Variants in KCNN2 observed in about 807,000 individuals in gnomAD.
KCNN2 encodes potassium calcium-activated channel subfamily N member 2, also known as small conductance calcium-activated potassium channel protein 2.
In KCNN2, 24 loss-of-function variants were observed where a neutral mutation model predicts 55.5. The observed-to-expected ratio is 0.43, with a 90% confidence interval of 0.31 to 0.61. KCNN2 has a LOEUF of 0.61. Ranked by LOEUF, KCNN2 falls within the 20% of genes least tolerant of loss-of-function variation. KCNN2 has a pLI of 0.08. For missense variants in KCNN2, 754 were observed against 853.6 expected (o/e 0.88, Z 1.45); for synonymous variants, 431 against 336.1 (o/e 1.28, Z -3.09).
intron 1 of KCNN2, among the ~76,000 whole-genome samples, chr5:114,146,522 C>T (rs1580556266): frequency 2.0e-5 from 3 of 152,242 alleles, no homozygotes; most frequent in South Asian, 4.1e-4. Context: ...GTGGCTTCTC[C>T]GGTTTGACAG....
intron 1 of KCNN2, among the ~76,000 whole-genome samples, chr5:114,076,065 C>T (rs536854886): frequency 3.9e-5 from 6 of 152,390 alleles, no homozygotes; most frequent in Admixed American, 3.3e-4. Context: ...GCAGCAATAA[C>T]TAATATGCCC....
chr5:114,117,849 T>A (rs1187272885), intron 1 of KCNN2, among the ~76,000 whole-genome samples: 1 of 152,204 alleles, frequency 6.6e-6, no homozygotes, highest in African/African-American at 2.4e-5. Flanking sequence ...AGTCCAGTGC[T>A]CTACCTCTGA....
intron 2 of KCNN2, among the ~76,000 whole-genome samples, chr5:114,389,055 A>AT (rs1294421101): frequency 2.0e-5 from 3 of 151,700 alleles, no homozygotes; most frequent in Non-Finnish European, 4.4e-5. Flanking sequence ...AGACTGTTGG[A>AT]TTTTTTGAGA....
intron 1 of KCNN2, among the ~76,000 whole-genome samples, chr5:114,169,813 G>C (rs189654723): frequency 3.3e-5 from 5 of 152,118 alleles, no homozygotes; most frequent in Non-Finnish European, 7.4e-5. Flanking sequence ...GGTTACTGAT[G>C]TATTTAGAGA....
At chr5:114,358,607 T>C (rs967950684), upstream of KCNN2, among the ~76,000 whole-genome samples, 1 of 152,108 alleles carries the variant, frequency 6.6e-6, no homozygotes, top group Non-Finnish European at 1.5e-5. Context: ...AAATTTAATT[T>C]TCTGAAAGCT....
intron 1 of KCNN2, among the ~76,000 whole-genome samples, chr5:114,174,071 C>CT (rs1405320741): frequency 6.6e-6 from 1 of 151,964 alleles, no homozygotes; most frequent in Non-Finnish European, 1.5e-5. Context: ...CCCAAAGTAC[C>CT]TTTTTAGTTA....
chr5:114,473,010 GTAGT>G lies in KCNN2; in HGVS notation c.1780-39_1780-36del, dbSNP rs773690065. ...TTTTCTAATGTGTCTGAGACAGAAA[GTAGT>G]TAGTAATGCTTTGGGTTTCTCTTCT... On this transcript the variant is annotated intron_variant, in intron 4 of 7. Coordinates refer to ENST00000673685, the MANE Select transcript of KCNN2 (RefSeq NM_021614.4). 36 of 1,147,320 alleles carry G rather than the reference GTAGT, an allele frequency of 3.1e-5. No individual in the cohort carries two copies. In the East Asian group the frequency reaches 5.8e-4, roughly 18 times the overall value. 71.1% of individuals were successfully genotyped at this position (1,147,320 alleles called of 1,614,324 possible). A position where few individuals can be genotyped will look rare whatever the true frequency, so the allele number is the denominator to read the frequency against.
chr5:114,373,820 C>A, intron 2 of KCNN2, among the ~76,000 whole-genome samples: 1 of 146,030 alleles, frequency 6.8e-6, no homozygotes, highest in African/African-American at 2.5e-5. Context: ...CCTTATGAAA[C>A]TTATGAGAGA....
At chr5:114,484,872 A>C (rs1762379721) in intron 5 of KCNN2, among the ~76,000 whole-genome samples, 1 of 152,158 alleles carries the variant, frequency 6.6e-6, no homozygotes, top group African/African-American at 2.4e-5. Flanking sequence ...TTTTCAGATG[A>C]GGAATCATTT....
At chr5:114,277,622 T>A (rs757929339) in intron 2 of KCNN2, among the ~76,000 whole-genome samples, 2 of 152,214 alleles carry the variant, frequency 1.3e-5, no homozygotes, top group Non-Finnish European at 2.9e-5. Flanking sequence ...TTTTGCTTGA[T>A]CAAATCAGCT....
chr5:114,089,088 T>C (rs922896800), intron 1 of KCNN2, among the ~76,000 whole-genome samples: 20 of 139,226 alleles, frequency 1.4e-4, no homozygotes, highest in African/African-American at 5.3e-4. Context: ...GACTGAAATT[T>C]CTGTCAGTTA....
rs1212022952 is a variant in KCNN2, at chr5:114,486,443, T to C, written c.1891-607T>C. Reference sequence around the variant, plus strand: ...TGTTACTGCAGTGCTTTCACCCTTCTCATTTGTCCCATCCATTTGAAATAC... The same window carrying C: ...TGTTACTGCAGTGCTTTCACCCTTCCCATTTGTCCCATCCATTTGAAATAC... On this transcript the variant is annotated intron_variant, in intron 5 of 7. Coordinates refer to ENST00000673685, the MANE Select transcript of KCNN2 (RefSeq NM_021614.4). Among the ~76,000 whole-genome samples the C allele has an allele frequency of 2.0e-5, 3 of 152,190 alleles. No individual in the cohort carries two copies. The East Asian group carries it at 5.8e-4, about 29-fold the overall frequency.
At chr5:114,442,814 C>T (rs1202985897) in intron 3 of KCNN2, among the ~76,000 whole-genome samples, 1 of 152,086 alleles carries the variant, frequency 6.6e-6, no homozygotes, top group Non-Finnish European at 1.5e-5. Context: ...ACAGGACCTT[C>T]AGAATATGAA....
Position 114,308,125 on chromosome 5 carries a change from A to T in KCNN2, c.-184-52820A>T, listed in dbSNP as rs373214984. On this transcript the variant is annotated intron_variant, in intron 2 of 10. Coordinates refer to the KCNN2 transcript ENST00000512097. ...TGCTGAAGTTTCTCCTATCTAGCTC[A>T]TGTCAATTTATCACAGCTGAGAACA... 3.0e-4 allele frequency among the ~76,000 whole-genome samples: 46 copies of T among 152,232 alleles called. No homozygotes were observed. In the South Asian group the frequency reaches 4.6e-3, roughly 15 times the overall value.
chr5:114,133,369 T>G (rs1404966835), intron 1 of KCNN2, among the ~76,000 whole-genome samples: 1 of 152,226 alleles, frequency 6.6e-6, no homozygotes, highest in African/African-American at 2.4e-5. Context: ...AAAATTATAA[T>G]GATAATAGTA....
chr5:114,088,444 A>G (rs1423915765), intron 1 of KCNN2, among the ~76,000 whole-genome samples: 3 of 151,558 alleles, frequency 2.0e-5, no homozygotes, highest in Non-Finnish European at 4.4e-5. Context: ...GACTCCAGTT[A>G]CAGCTGTGTT....
intron 2 of KCNN2, among the ~76,000 whole-genome samples, chr5:114,250,206 A>G (rs1754830599): frequency 1.3e-5 from 2 of 152,236 alleles, no homozygotes; most frequent in Admixed American, 1.3e-4. Flanking sequence ...GCCTTTTAAA[A>G]AAAGGAATGT....
chr5:114,283,882 G>C (rs903208922), intron 2 of KCNN2, among the ~76,000 whole-genome samples: 18 of 152,102 alleles, frequency 1.2e-4, no homozygotes. Context: ...ATTACCTTAG[G>C]TTTTTACCTT....
At chr5:114,481,524 C>A (rs1762225017) in intron 5 of KCNN2, among the ~76,000 whole-genome samples, 1 of 152,014 alleles carries the variant, frequency 6.6e-6, no homozygotes, top group Non-Finnish European at 1.5e-5. Context: ...CCATTCTTCA[C>A]AGAATTAGAA....
Sources: allele counts gnomAD v4.1 joint callset (sites outside exome capture counted in the v4.1 genomes callset), GRCh38; gene constraint gnomAD v4.1.1; transcripts MANE v1.5; gene names NCBI Gene and HGNC (gene_info 2026-07-23, HGNC 2026-07-21).